CACNA2D3: variants seen among roughly 807,000 people sequenced by gnomAD.
The protein encoded by CACNA2D3 is calcium voltage-gated channel auxiliary subunit alpha2delta 3.
CACNA2D3 carries 60 observed loss-of-function variants against 160.6 expected under a neutral mutation model. The observed-to-expected ratio is 0.37, with a 90% CI of 0.30 to 0.46. CACNA2D3 has a LOEUF of 0.46. Among genes scored for constraint, CACNA2D3 ranks in the 20% least tolerant of loss-of-function variants. The probability of loss-of-function intolerance (pLI) is 1.00; values close to 1 mark genes in which losing one functional copy is unlikely to be tolerated. For synonymous variants in CACNA2D3, 558 were observed against 492.9 expected (o/e 1.13, Z -1.75); for missense variants, 1,205 against 1,365.0 (o/e 0.88, Z 1.85).
At position 54,717,787 on chromosome 3, in the gene CACNA2D3, G is replaced by T. The variant is rs1197647152; in HGVS notation, c.1168-34812G>T. On this transcript the variant is annotated intron_variant, in intron 11 of 37. Transcript: ENST00000474759. Reference sequence around the variant, plus strand: ...GTGTGTGTGGTGTGTGTGCATGTGCGTGTGTGGTGTGCGTGTGTGCGCATG... The same window carrying T: ...GTGTGTGTGGTGTGTGTGCATGTGCTTGTGTGGTGTGCGTGTGTGCGCATG... Among the ~76,000 whole-genome samples the T allele has an allele frequency of 1.5e-4, 12 of 79,538 alleles. 2 individuals carry two copies. In the Admixed American group the frequency reaches 1.8e-3, roughly 12 times the overall value. 52.2% of individuals were successfully genotyped at this position (79,538 alleles called of 152,430 possible).
intron 27 of CACNA2D3, among the ~76,000 whole-genome samples, chr3:54,945,851 G>A (rs139093163): frequency 2.0e-5 from 3 of 152,320 alleles, no homozygotes; most frequent in African/African-American, 4.8e-5. Flanking sequence ...TAGTCAGTGG[G>A]CAATGCAGCA....
intron 3 of CACNA2D3, among the ~76,000 whole-genome samples, chr3:54,327,037 A>G (rs1344772830): frequency 6.6e-6 from 1 of 152,250 alleles, no homozygotes; most frequent in Non-Finnish European, 1.5e-5. Context: ...ATCTTAAAAA[A>G]GAGCAACAAT....
rs147014537 is a variant in CACNA2D3 at position 54,244,357 on chromosome 3, A to G, written c.205-76085A>G. Among the ~76,000 whole-genome samples, 758 of 152,360 alleles carry G rather than the reference A, an allele frequency of 5.0e-3. 3 individuals are homozygous for G. The highest frequency in any genetic ancestry group is 0.012 in the African/African-American group (497 of 41,588). ...TCCCCCAGACTTTAAACTAATAGCA[A>G]TTAGTTGAATGAGACCGCATATGTG... On this transcript the variant is annotated intron_variant, in intron 2 of 37. Coordinates refer to ENST00000474759, the MANE Select transcript of CACNA2D3 (RefSeq NM_018398.3).
intron 2 of CACNA2D3, among the ~76,000 whole-genome samples, chr3:54,274,840 G>T (rs747955648): frequency 6.6e-6 from 1 of 152,246 alleles, no homozygotes; most frequent in African/African-American, 2.4e-5. Context: ...GCAGCTCACT[G>T]CATGGCAGCT....
chr3:54,756,201 CCA>C (rs1701966551), intron 12 of CACNA2D3, among the ~76,000 whole-genome samples: 3 of 152,132 alleles, frequency 2.0e-5, no homozygotes, highest in Admixed American at 2.0e-4. Context: ...CTGTCTACAT[CCA>C]GTTATTTCCC....
chr3:54,811,875 T>G (rs1703329404), intron 13 of CACNA2D3, among the ~76,000 whole-genome samples: 1 of 152,226 alleles, frequency 6.6e-6, no homozygotes, highest in African/African-American at 2.4e-5. Context: ...TTTATTGCTC[T>G]CTGGCTTTGT....
chr3:54,922,680 C>T (rs1285208317), intron 27 of CACNA2D3, among the ~76,000 whole-genome samples: 1 of 152,146 alleles, frequency 6.6e-6, no homozygotes, highest in Non-Finnish European at 1.5e-5. Flanking sequence ...ATGTCTGTAG[C>T]TCCAACATCT....
Position 54,933,051 on chromosome 3 carries a change from C to CCCTCCCTCCCTT in CACNA2D3, c.2449+33186_2449+33187insCCCTCCCTTCCT, listed in dbSNP as rs1366811478. ...TATTGTCTTCCATCCATCCATCCCTCCCTTCCTTCCTTCCTTCCTTCCTTC... is the reference window on the plus strand; with the variant it reads ...TATTGTCTTCCATCCATCCATCCCTCCCTCCCTCCCTTCCTTCCTTCCTTCCTTCCTTCCTTC... On this transcript the variant is annotated intron_variant, in intron 27 of 37. Transcript: ENST00000474759. Among the ~76,000 whole-genome samples the CCCTCCCTCCCTT allele has an allele frequency of 1.1e-3, 152 of 139,460 alleles. 1 individual carries two copies. The highest frequency in any genetic ancestry group is 3.6e-3 in the African/African-American group (132 of 36,742). The allele number at this position is 139,460 out of a possible 152,430, so 91.5% of individuals were successfully genotyped here. A position where few individuals can be genotyped will look rare whatever the true frequency, so the allele number is the denominator to read the frequency against.
intron 9 of CACNA2D3, among the ~76,000 whole-genome samples, chr3:54,606,834 A>T (rs1698637529): frequency 6.6e-6 from 1 of 152,078 alleles, no homozygotes; most frequent in Non-Finnish European, 1.5e-5. Flanking sequence ...CTCAACTCTG[A>T]CTATAAAAGT....
chr3:54,295,352 C>G (rs906238935), intron 2 of CACNA2D3, among the ~76,000 whole-genome samples: 10 of 152,302 alleles, frequency 6.6e-5, no homozygotes, highest in African/African-American at 2.2e-4. Context: ...TGAAACAGGT[C>G]TCAGTGAATT....
intron 11 of CACNA2D3, among the ~76,000 whole-genome samples, chr3:54,664,274 G>A (rs917507648): frequency 2.6e-5 from 4 of 152,232 alleles, no homozygotes; most frequent in African/African-American, 9.6e-5. Context: ...GGTAAGGCCA[G>A]TAGTGGCCCT....
At chr3:54,778,939 A>G (rs1057243443) in intron 13 of CACNA2D3, among the ~76,000 whole-genome samples, 1 of 152,208 alleles carries the variant, frequency 6.6e-6, no homozygotes, top group African/African-American at 2.4e-5. Flanking sequence ...AATCCAACAA[A>G]GATTTTGCCA....
chr3:54,349,362 T>C (rs1463770087), intron 3 of CACNA2D3, among the ~76,000 whole-genome samples: 1 of 152,140 alleles, frequency 6.6e-6, no homozygotes, highest in African/African-American at 2.4e-5. Context: ...TCATTAGGAA[T>C]TTCTCATTAG....
intron 2 of CACNA2D3, among the ~76,000 whole-genome samples, chr3:54,166,101 A>G (rs1353581056): frequency 6.6e-6 from 1 of 152,126 alleles, no homozygotes; most frequent in African/African-American, 2.4e-5. Context: ...AGGTGGGTGG[A>G]GGCTTTGTTG....
intron 2 of CACNA2D3, among the ~76,000 whole-genome samples, chr3:54,243,686 C>G (rs747781660): frequency 1.3e-5 from 2 of 152,194 alleles, no homozygotes; most frequent in Non-Finnish European, 2.9e-5. Flanking sequence ...ATACATACAG[C>G]GTCCTGGAGG....
chr3:54,608,264 G>A (rs1272074914), intron 9 of CACNA2D3, among the ~76,000 whole-genome samples: 1 of 152,190 alleles, frequency 6.6e-6, no homozygotes, highest in African/African-American at 2.4e-5. Context: ...TATCATTGGG[G>A]GAAGCTGGGT....
At chr3:54,677,079 A>G (rs1341974947) in intron 11 of CACNA2D3, among the ~76,000 whole-genome samples, 1 of 152,212 alleles carries the variant, frequency 6.6e-6, no homozygotes, top group African/African-American at 2.4e-5. Context: ...ACAATCTCCT[A>G]GTGTTTAATA....
intron 9 of CACNA2D3, among the ~76,000 whole-genome samples, chr3:54,606,353 C>T (rs145390743): frequency 1.5e-3 from 229 of 151,940 alleles, no homozygotes; most frequent in Admixed American, 4.3e-3. Context: ...GGGAGCAAGT[C>T]GGGGCTGGGG....
chr3:54,783,788 C>T (rs896009228), intron 13 of CACNA2D3, among the ~76,000 whole-genome samples: 2 of 152,090 alleles, frequency 1.3e-5, no homozygotes, highest in Admixed American at 6.5e-5. Context: ...AGAAGGAAAA[C>T]TCAGCTCATC....
Sources: gnomAD v4.1 joint callset for allele counts (sites outside exome capture counted in the v4.1 genomes callset) on GRCh38, gnomAD v4.1.1 for gene constraint, MANE v1.5 for transcripts, NCBI Gene and HGNC (gene_info 2026-07-23, HGNC 2026-07-21) for gene names.